Variants in MARCHF1 observed in about 807,000 individuals in gnomAD.
MARCHF1 encodes E3 ubiquitin-protein ligase MARCHF1.
MARCHF1 carries 40 observed loss-of-function variants against 54.2 expected under a neutral mutation model. That is an observed-to-expected ratio of 0.74 (90% confidence interval 0.57 to 0.96). The LOEUF (loss-of-function observed/expected upper bound fraction) is 0.96. MARCHF1 is among the 40% of genes least tolerant of loss of function. The pLI is 0.00. For synonymous variants in MARCHF1, 236 were observed against 236.3 expected (o/e 1.00, Z 0.01); for missense variants, 586 against 656.5 (o/e 0.89, Z 1.17).
intron 4 of MARCHF1, among the ~76,000 whole-genome samples, chr4:163,735,054 A>G (rs1447120947): frequency 6.6e-6 from 1 of 152,150 alleles, no homozygotes; most frequent in Non-Finnish European, 1.5e-5. Context: ...TTCCTGGTCA[A>G]AAACACTTGT....
At chr4:163,924,895 T>C (rs959191172) in intron 3 of MARCHF1, among the ~76,000 whole-genome samples, 4 of 151,896 alleles carry the variant, frequency 2.6e-5, no homozygotes, top group Non-Finnish European at 5.9e-5. Flanking sequence ...TTTATTTGTA[T>C]AGATAATCCA....
chr4:163,699,393 G>A (rs767597902), intron 5 of MARCHF1, among the ~76,000 whole-genome samples: 28 of 152,176 alleles, frequency 1.8e-4, no homozygotes, highest in Non-Finnish European at 3.2e-4. Flanking sequence ...AAACATCCCA[G>A]TGTGTGTGCA....
At chr4:163,556,973 T>TG (rs1458700032) in intron 8 of MARCHF1, among the ~76,000 whole-genome samples, 3 of 152,142 alleles carry the variant, frequency 2.0e-5, no homozygotes, top group Admixed American at 2.0e-4. Flanking sequence ...TATTTTTTTC[T>TG]GGGGAAAGGT....
At chr4:163,900,671 G>A (rs1214426705) in intron 3 of MARCHF1, among the ~76,000 whole-genome samples, 1 of 152,086 alleles carries the variant, frequency 6.6e-6, no homozygotes, top group African/African-American at 2.4e-5. Flanking sequence ...AAGCAAAATT[G>A]TTTCCGCTGG....
At chr4:164,195,947 A>G (rs913058188) in intron 1 of MARCHF1, among the ~76,000 whole-genome samples, 7 of 152,298 alleles carry the variant, frequency 4.6e-5, no homozygotes, top group South Asian at 4.1e-4. Flanking sequence ...CTCCAATTCT[A>G]TGCTAAAAAC....
intron 4 of MARCHF1, among the ~76,000 whole-genome samples, chr4:163,741,534 G>A (rs1433991751): frequency 6.6e-6 from 1 of 150,876 alleles, no homozygotes; most frequent in Non-Finnish European, 1.5e-5. Flanking sequence ...AGTGAGCAGA[G>A]ATTGTGCCAC....
Position 163,613,345 on chromosome 4 carries a change from A to T in MARCHF1, c.211T>A (p.Ser71Thr). Reference sequence around the variant, plus strand: ...ATGTCCTGAGTGGATGGACAGACAGACAACCTTGACTGGCTCCTGGGAGCT... The same window carrying T: ...ATGTCCTGAGTGGATGGACAGACAGTCAACCTTGACTGGCTCCTGGGAGCT... ...GTAPRSQSRL[S>T]VCPSTQDICR... The change falls in exon 6 of 10, where the codon TCT becomes ACT. Residue 71 changes from serine to threonine, a missense_variant. Coordinates refer to ENST00000514618, the MANE Select transcript of MARCHF1 (RefSeq NM_001394959.1). The T allele has an allele frequency of 6.2e-7, 1 of 1,612,910 alleles. No homozygotes were observed. Among genetic ancestry groups the T allele is most frequent in the Non-Finnish European group, 8.5e-7 (1 of 1,179,370 alleles).
At chr4:163,926,106 C>G (rs1751531144) in intron 3 of MARCHF1, among the ~76,000 whole-genome samples, 1 of 151,524 alleles carries the variant, frequency 6.6e-6, no homozygotes, top group Admixed American at 6.6e-5. Flanking sequence ...TATAACAAAT[C>G]AGCATATAAT....
chr4:163,789,912 T>G (rs943168947), intron 4 of MARCHF1, among the ~76,000 whole-genome samples: 2 of 152,126 alleles, frequency 1.3e-5, no homozygotes, highest in Admixed American at 1.3e-4. Flanking sequence ...TCACTAATGA[T>G]GCAAGTAAAA....
At chr4:163,697,304 C>G (rs1233688567) in intron 5 of MARCHF1, among the ~76,000 whole-genome samples, 1 of 152,116 alleles carries the variant, frequency 6.6e-6, no homozygotes, top group Non-Finnish European at 1.5e-5. Context: ...GTGAATCATC[C>G]TTAACAGGTA....
At chr4:164,006,334 T>C (rs56365633) in intron 2 of MARCHF1, among the ~76,000 whole-genome samples, 32,293 of 151,880 alleles carry the variant, frequency 0.21, 4,152 homozygotes, top group Non-Finnish European at 0.29. Context: ...ACTGAAGAAC[T>C]CATTAGAGGC....
At chr4:163,900,578 T>A (rs1350528590) in intron 3 of MARCHF1, among the ~76,000 whole-genome samples, 1 of 152,188 alleles carries the variant, frequency 6.6e-6, no homozygotes, top group East Asian at 1.9e-4. Context: ...ACTACTGATG[T>A]AAACCTAATA....
At chr4:164,238,654 T>C (rs891313989) in intron 1 of MARCHF1, among the ~76,000 whole-genome samples, 1 of 151,146 alleles carries the variant, frequency 6.6e-6, no homozygotes, top group Non-Finnish European at 1.5e-5. Flanking sequence ...GTAGCTATAT[T>C]AACATTGAAT....
intron 1 of MARCHF1, among the ~76,000 whole-genome samples, chr4:164,225,644 T>G (rs1434548685): frequency 6.6e-6 from 1 of 151,950 alleles, no homozygotes; most frequent in Non-Finnish European, 1.5e-5. Context: ...ACTACAATCA[T>G]ACTAGAATGG....
At chr4:163,968,340 C>T (rs1354620195) in intron 3 of MARCHF1, among the ~76,000 whole-genome samples, 2 of 152,056 alleles carry the variant, frequency 1.3e-5, no homozygotes, top group African/African-American at 4.8e-5. Flanking sequence ...GGGCAAAATA[C>T]ATAAATAAAA....
chr4:163,716,563 C>T (rs766847373), intron 4 of MARCHF1, among the ~76,000 whole-genome samples: 2 of 152,150 alleles, frequency 1.3e-5, no homozygotes, highest in Non-Finnish European at 2.9e-5. Flanking sequence ...TTAATACACG[C>T]CTTTTGCCGA....
intron 2 of MARCHF1, among the ~76,000 whole-genome samples, chr4:164,090,076 G>A (rs1755268550): frequency 6.6e-6 from 1 of 151,930 alleles, no homozygotes; most frequent in Non-Finnish European, 1.5e-5. Flanking sequence ...AATAGGCAAA[G>A]CATGTACACA....
Position 163,581,693 on chromosome 4 carries a change from T to G in MARCHF1, c.1191+4056A>C, listed in dbSNP as rs1189782752. On this transcript the variant is annotated intron_variant, in intron 8 of 9. Transcript: ENST00000514618. ...TTCTTCATTTCTAAAAATAGGCATG[T>G]CAACTACAGCACTGTAAATAATTAT... Among the ~76,000 whole-genome samples the G allele has an allele frequency of 5.3e-5, 8 of 152,328 alleles. 1 individual carries two copies. Among genetic ancestry groups the G allele is most frequent in the African/African-American group, 1.9e-4 (8 of 41,572 alleles).
intron 2 of MARCHF1, among the ~76,000 whole-genome samples, chr4:164,108,494 G>C (rs1237327781): frequency 6.6e-6 from 1 of 151,820 alleles, no homozygotes; most frequent in African/African-American, 2.4e-5. Flanking sequence ...AAAGAGCAAA[G>C]ACTTATAACA....
Sources: gnomAD v4.1 joint callset for allele counts (sites outside exome capture counted in the v4.1 genomes callset) on GRCh38, gnomAD v4.1.1 for gene constraint, MANE v1.5 for transcripts, NCBI Gene and HGNC (gene_info 2026-07-23, HGNC 2026-07-21) for gene names.